FAM178B: variants seen among roughly 807,000 people sequenced by gnomAD.
FAM178B encodes protein FAM178B.
Under a neutral mutation model 91.7 loss-of-function variants are expected in FAM178B, and 82 were observed. The ratio of observed to expected loss-of-function variants is 0.89; its 90% CI spans 0.75 to 1.07. The LOEUF (loss-of-function observed/expected upper bound fraction) is 1.07. FAM178B is among the 50% of genes least tolerant of loss of function. The probability of loss-of-function intolerance (pLI) is 0.00; values close to 1 mark genes in which losing one functional copy is unlikely to be tolerated. For synonymous variants in FAM178B, 368 were observed against 359.4 expected (o/e 1.02, Z -0.27); for missense variants, 769 against 846.7 (o/e 0.91, Z 1.14).
intron 12 of FAM178B, among the ~76,000 whole-genome samples, chr2:96,906,426 C>G (rs1041453861): frequency 3.9e-5 from 6 of 152,084 alleles, no homozygotes; most frequent in Non-Finnish European, 5.9e-5. Context: ...GTCTAGCAAC[C>G]CTGAGAGGGA....
At position 96,876,230 on chromosome 2, in the gene FAM178B, C is replaced by T. The variant is rs1279576447; in HGVS notation, c.*46G>A. ...TCCTCCAGTTCCCTGAGCCTGTTCA[C>T]TTCCTGCTGAAGCCAGGAGCCCTGG... On this transcript the variant is annotated 3_prime_UTR_variant, in exon 17 of 17. Transcript: ENST00000490605. The T allele has an allele frequency of 1.3e-6, 2 of 1,587,776 alleles. No homozygotes were observed. Among genetic ancestry groups the T allele is most frequent in the South Asian group, 1.1e-5 (1 of 87,232 alleles).
chr2:96,883,949 G>A (rs928419825), intron 14 of FAM178B, among the ~76,000 whole-genome samples: 1 of 152,180 alleles, frequency 6.6e-6, no homozygotes, highest in East Asian at 1.9e-4. Context: ...TGCCACACAC[G>A]AGTCCTCTCA....
At chr2:96,975,461 T>C (rs2082276919) in intron 1 of FAM178B, among the ~76,000 whole-genome samples, 1 of 152,236 alleles carries the variant, frequency 6.6e-6, no homozygotes, top group Admixed American at 6.5e-5. Context: ...TGTACATATT[T>C]TGGGGGTACA....
In FAM178B at chr2:96,878,190, G is replaced by A. The variant is rs893398889; in HGVS notation, c.1855-148C>T. ...GAGGAGGAAAAGGAGGATGGGGCCAGCACAACTGTTGGGGCTCGGGTCAGT... is the reference window on the plus strand; with the variant it reads ...GAGGAGGAAAAGGAGGATGGGGCCAACACAACTGTTGGGGCTCGGGTCAGT... On this transcript the variant is annotated intron_variant, in intron 15 of 16. Transcript: ENST00000490605. 7 of 941,694 alleles carry A rather than the reference G, an allele frequency of 7.4e-6. No homozygotes were observed. The African/African-American group carries it at 1.1e-4, about 15-fold the overall frequency. The allele number at this position is 941,694 out of a possible 1,614,324, so 58.3% of individuals were successfully genotyped here. A position where few individuals can be genotyped will look rare whatever the true frequency, so the allele number is the denominator to read the frequency against.
intron 14 of FAM178B, among the ~76,000 whole-genome samples, chr2:96,892,565 TCCCTCTTCCC>T (rs1446545976): frequency 6.6e-6 from 1 of 152,120 alleles, no homozygotes; most frequent in Non-Finnish European, 1.5e-5. Context: ...CTGCTCACTG[TCCCTCTTCCC>T]CAGCTGTTGA....
At chr2:96,929,474 T>G (rs2081504299) in intron 8 of FAM178B, among the ~76,000 whole-genome samples, 154 bp from the exon 9 acceptor site, 1 of 152,244 alleles carries the variant, frequency 6.6e-6, no homozygotes, top group South Asian at 2.1e-4. Flanking sequence ...ATGAAGCAAC[T>G]GGTGGTTTCC....
At position 96,953,410 on chromosome 2, in the gene FAM178B, G is replaced by A. The variant is rs142662318; in HGVS notation, c.888-1926C>T. ...GGGACTCTGAGGAGACGCTGGCTCT[G>A]GCATTCTGCTGGAGGGGGCACCCCG... On this transcript the variant is annotated intron_variant, in intron 6 of 16. Coordinates refer to ENST00000490605, the MANE Select transcript of FAM178B (RefSeq NM_001122646.3). Among the ~76,000 whole-genome samples the A allele has an allele frequency of 2.0e-4, 31 of 152,326 alleles. 1 individual carries two copies. In the East Asian group the frequency reaches 6.0e-3, roughly 29 times the overall value.
chr2:96,878,516 G>A (rs763929476), intron 14 of FAM178B, 23 bp from the exon 15 acceptor site: 33 of 1,610,988 alleles, frequency 2.0e-5, no homozygotes, highest in Non-Finnish European at 2.7e-5. Context: ...CACAGGGAGA[G>A]CTGCTTCTCT....
intron 13 of FAM178B, among the ~76,000 whole-genome samples, chr2:96,898,348 G>A (rs774592128): frequency 6.6e-6 from 1 of 152,144 alleles, no homozygotes; most frequent in African/African-American, 2.4e-5. Context: ...CAGTGGTCAA[G>A]GGCAGGACTT....
At chr2:96,943,890 C>A (rs960521328) in intron 8 of FAM178B, among the ~76,000 whole-genome samples, 1 of 152,100 alleles carries the variant, frequency 6.6e-6, no homozygotes, top group African/African-American at 2.4e-5. Context: ...GATGGGTTCG[C>A]GGTGGTTTTT....
intron 8 of FAM178B, among the ~76,000 whole-genome samples, chr2:96,936,498 GTTTTTTTTTTTTGGTTGT>G (rs1371046896): frequency 1.5e-5 from 2 of 136,060 alleles, no homozygotes; most frequent in African/African-American, 5.5e-5. Flanking sequence ...CCACGCCCGG[GTTTTTTTTTTTTGGTTGT>G]TTTTTTTTTT....
chr2:96,892,282 C>T (rs1433874946), intron 14 of FAM178B, among the ~76,000 whole-genome samples: 1 of 152,166 alleles, frequency 6.6e-6, no homozygotes, highest in African/African-American at 2.4e-5. Context: ...GGCTCCCTCA[C>T]TCAGAGGCAG....
intron 8 of FAM178B, among the ~76,000 whole-genome samples, chr2:96,945,616 C>G (rs559047340): frequency 6.6e-6 from 1 of 152,214 alleles, no homozygotes. Context: ...ATCCTGAGCT[C>G]TGTGCCCCAG....
chr2:96,923,182 AGGCTGGTCT>A (rs2081373496), intron 10 of FAM178B, among the ~76,000 whole-genome samples: 1 of 151,922 alleles, frequency 6.6e-6, no homozygotes, highest in African/African-American at 2.4e-5. Flanking sequence ...CATGTTGGTC[AGGCTGGTCT>A]GGAACTCCTG....
chr2:96,962,729 G>C (rs1460869517), intron 5 of FAM178B, among the ~76,000 whole-genome samples: 1 of 152,172 alleles, frequency 6.6e-6, no homozygotes, highest in East Asian at 1.9e-4. Flanking sequence ...GAGAATTGAG[G>C]ATGTCACCCA....
At chr2:96,892,224 C>T (rs1218216681) in intron 14 of FAM178B, among the ~76,000 whole-genome samples, 1 of 152,208 alleles carries the variant, frequency 6.6e-6, no homozygotes, top group African/African-American at 2.4e-5. Flanking sequence ...GAACCCAGCC[C>T]AGGGGCCTGT....
chr2:96,973,536 C>G (rs149388440), intron 1 of FAM178B, among the ~76,000 whole-genome samples: 1 of 152,224 alleles, frequency 6.6e-6, no homozygotes, highest in African/African-American at 2.4e-5. Flanking sequence ...CCCATTGGAT[C>G]GGACCCAGGC....
rs148894151 is a variant in FAM178B, at chr2:96,983,566, C to G, written c.73+2675G>C. Among the ~76,000 whole-genome samples, 425 of 152,304 alleles carry G rather than the reference C, an allele frequency of 2.8e-3. 1 individual carries two copies. Among genetic ancestry groups the G allele is most frequent in the African/African-American group, 9.9e-3 (410 of 41,552 alleles). On this transcript the variant is annotated intron_variant, in intron 1 of 16. Coordinates refer to ENST00000490605, the MANE Select transcript of FAM178B (RefSeq NM_001122646.3). ...TCAGCCTTCTGAGTAGCTAGGACTACAGGTATGTGCCACCATGCCCAGCTA... is the reference window on the plus strand; with the variant it reads ...TCAGCCTTCTGAGTAGCTAGGACTAGAGGTATGTGCCACCATGCCCAGCTA...
At chr2:96,907,808 C>T (rs2081083499) in intron 12 of FAM178B, among the ~76,000 whole-genome samples, 1 of 152,242 alleles carries the variant, frequency 6.6e-6, no homozygotes, top group Non-Finnish European at 1.5e-5. Context: ...AGCACAGCCC[C>T]TCTGGAGCCC....
Sources: gnomAD v4.1 joint callset for allele counts (sites outside exome capture counted in the v4.1 genomes callset) on GRCh38, gnomAD v4.1.1 for gene constraint, MANE v1.5 for transcripts, NCBI Gene and HGNC (gene_info 2026-07-23, HGNC 2026-07-21) for gene names.